TFCP2L1: variants seen among roughly 807,000 people sequenced by gnomAD.
TFCP2L1 encodes transcription factor CP2 like 1.
Under a neutral mutation model 72.2 loss-of-function variants are expected in TFCP2L1, and 12 were observed. That is an observed-to-expected ratio of 0.17 (90% confidence interval 0.11 to 0.27). The LOEUF is 0.27. Ranked by LOEUF, TFCP2L1 falls within the 10% of genes least tolerant of loss-of-function variation. TFCP2L1 has a pLI of 1.00. For synonymous variants in TFCP2L1, 260 were observed against 251.0 expected, an observed-to-expected ratio of 1.04 and a Z score of -0.34; for missense variants, 488 against 624.6, an observed-to-expected ratio of 0.78 and a Z score of 2.33.
intron 2 of TFCP2L1, among the ~76,000 whole-genome samples, chr2:121,252,167 GC>G (rs1218188361): frequency 9.9e-5 from 15 of 152,192 alleles, no homozygotes; most frequent in African/African-American, 3.6e-4. Flanking sequence ...TCCCACCTCA[GC>G]CTCCCAAGTA....
Position 121,219,357 on chromosome 2 carries a change from ACACATGTAAACACG to A in TFCP2L1, c.*4970_*4983del, listed in dbSNP as rs1685888703. On this transcript the variant is annotated 3_prime_UTR_variant, in exon 15 of 15. Coordinates refer to ENST00000263707, the MANE Select transcript of TFCP2L1 (RefSeq NM_014553.3). ...CATGGGCAAGGGAAGGAACCCAGGT[ACACATGTAAACACG>A]CACATGTGCACCAATGACACAGACT... 1 of 152,292 alleles carries A rather than the reference ACACATGTAAACACG, an allele frequency of 6.6e-6. No individual in the cohort carries two copies. Among genetic ancestry groups the A allele is most frequent in the Non-Finnish European group, 1.5e-5 (1 of 68,062 alleles). 9.4% of individuals were successfully genotyped at this position (152,292 alleles called of 1,614,324 possible). A position where few individuals can be genotyped will look rare whatever the true frequency, so the allele number is the denominator to read the frequency against.
intron 2 of TFCP2L1, 110 bp downstream of exon 2, chr2:121,281,010 C>A: frequency 3.5e-6 from 5 of 1,446,260 alleles, no homozygotes; most frequent in Non-Finnish European, 4.7e-6. Context: ...CGAGCCCGAC[C>A]TCGCCCGACC....
At chr2:121,267,252 A>G (rs1055613617) in intron 2 of TFCP2L1, among the ~76,000 whole-genome samples, 24 of 152,080 alleles carry the variant, frequency 1.6e-4, no homozygotes, top group Non-Finnish European at 2.2e-4. Flanking sequence ...GGGTCTTGCA[A>G]TGTTGCCCAG....
At chr2:121,252,696 T>TC (rs1686635428) in intron 2 of TFCP2L1, among the ~76,000 whole-genome samples, 1 of 151,882 alleles carries the variant, frequency 6.6e-6, no homozygotes, top group African/African-American at 2.4e-5. Context: ...CTCCCCAAGA[T>TC]CCCCCAGGAG....
At position 121,249,566 on chromosome 2, in the gene TFCP2L1, C is replaced by T. The variant is rs1194252409; in HGVS notation, c.291+5G>A. ...GAGGCAATGAGAACAGCCTGTGAGG[C>T]TTACCTTGACATATTTTGTGTTCAG... On this transcript the variant is annotated splice_donor_5th_base_variant and intron_variant, in intron 3 of 14. Coordinates refer to ENST00000263707, the MANE Select transcript of TFCP2L1 (RefSeq NM_014553.3). The T allele has an allele frequency of 6.2e-7, 1 of 1,613,936 alleles. No homozygotes were observed. Among genetic ancestry groups the T allele is most frequent in the Non-Finnish European group, 8.5e-7 (1 of 1,180,006 alleles).
At chr2:121,228,772 CAA>C (rs59300568) in intron 13 of TFCP2L1, among the ~76,000 whole-genome samples, 317 of 58,122 alleles carry the variant, frequency 5.5e-3, no homozygotes, top group African/African-American at 0.021. Context: ...CCGTGACTCA[CAA>C]AAAAAAAAAA....
chr2:121,268,590 T>C (rs1686981008), intron 2 of TFCP2L1, among the ~76,000 whole-genome samples: 1 of 152,028 alleles, frequency 6.6e-6, no homozygotes, highest in African/African-American at 2.4e-5. Context: ...AAAAATATTA[T>C]ATCATTCTCC....
At chr2:121,266,179 G>A (rs1287891563) in intron 2 of TFCP2L1, among the ~76,000 whole-genome samples, 1 of 149,428 alleles carries the variant, frequency 6.7e-6, no homozygotes, top group Non-Finnish European at 1.5e-5. Context: ...TTTCCCCCAA[G>A]TAGTAATTCT....
At chr2:121,280,573 C>T (rs1197290914) in intron 2 of TFCP2L1, among the ~76,000 whole-genome samples, 4 of 152,024 alleles carry the variant, frequency 2.6e-5, no homozygotes, top group Admixed American at 2.6e-4. Context: ...GCCTGGGCAA[C>T]ATAGTGAGAC....
chr2:121,258,891 C>T (rs189502780), intron 2 of TFCP2L1, among the ~76,000 whole-genome samples: 2 of 152,192 alleles, frequency 1.3e-5, no homozygotes, highest in Admixed American at 1.3e-4. Flanking sequence ...TGATAATGTA[C>T]TTGTGGTTAT....
intron 2 of TFCP2L1, among the ~76,000 whole-genome samples, chr2:121,265,165 T>C (rs771339798): frequency 1.3e-5 from 2 of 152,226 alleles, no homozygotes; most frequent in African/African-American, 2.4e-5. Context: ...AATACTGATA[T>C]ATGCTCAACA....
At chr2:121,283,022 C>T (rs1173086632) in intron 1 of TFCP2L1, among the ~76,000 whole-genome samples, 2 of 152,130 alleles carry the variant, frequency 1.3e-5, no homozygotes, top group Non-Finnish European at 2.9e-5. Flanking sequence ...ACTCCCAGCC[C>T]GGGTGGTTCT....
intron 10 of TFCP2L1, among the ~76,000 whole-genome samples, chr2:121,235,924 A>G (rs531829318): frequency 6.6e-6 from 1 of 150,420 alleles, no homozygotes; most frequent in African/African-American, 2.4e-5. Context: ...CACCACCCCT[A>G]CTCCCACCCA....
At chr2:121,238,203 C>T (rs186495262) in intron 8 of TFCP2L1, among the ~76,000 whole-genome samples, 97 of 152,262 alleles carry the variant, frequency 6.4e-4, no homozygotes, top group Non-Finnish European at 1.1e-3. Flanking sequence ...GGGAAAGGCA[C>T]GCTGACCAAG....
intron 2 of TFCP2L1, among the ~76,000 whole-genome samples, chr2:121,250,827 A>T (rs544673088): frequency 3.3e-5 from 5 of 151,686 alleles, no homozygotes; most frequent in Admixed American, 1.3e-4. Flanking sequence ...GGCTGGTCTC[A>T]AACTCCTGAC....
rs567856977 is a variant in TFCP2L1, at chr2:121,231,849, T to C, written c.1318A>G (p.Ile440Val). 4 of 1,613,104 alleles carry C rather than the reference T, an allele frequency of 2.5e-6. No homozygotes were observed. In the South Asian group the frequency reaches 4.4e-5, roughly 18 times the overall value. Residue 440 changes from isoleucine to valine, a missense_variant, in exon 13 of 15, where the codon ATC (isoleucine) becomes GTC (valine). Physicochemically the swap from Ile to Val is conservative, Grantham distance 29 (BLOSUM62 3). Coordinates refer to ENST00000263707, the MANE Select transcript of TFCP2L1 (RefSeq NM_014553.3). ...HRVYRQGPTG[I>V]HVVVSNEMVQ... Reference sequence around the variant, plus strand: ...ACCTCGTTGCTCACCACCACATGGATGCCCGTGGGGCCCTGCCGGTAGACT... The same window carrying C: ...ACCTCGTTGCTCACCACCACATGGACGCCCGTGGGGCCCTGCCGGTAGACT...
chr2:121,254,768 G>A (rs1407262503), intron 2 of TFCP2L1, among the ~76,000 whole-genome samples: 1 of 151,274 alleles, frequency 6.6e-6, no homozygotes, highest in Non-Finnish European at 1.5e-5. Flanking sequence ...ATGCCACTGC[G>A]CTCCAGCCTG....
intron 2 of TFCP2L1, among the ~76,000 whole-genome samples, chr2:121,258,282 G>A (rs537987283): frequency 6.6e-6 from 1 of 152,266 alleles, no homozygotes; most frequent in Admixed American, 6.5e-5. Context: ...AGCCTATGGG[G>A]CACTTTGGTA....
intron 2 of TFCP2L1, among the ~76,000 whole-genome samples, chr2:121,266,815 T>C (rs183937754): frequency 1.6e-4 from 24 of 152,350 alleles, no homozygotes; most frequent in Non-Finnish European, 7.3e-5. Flanking sequence ...AGAAAATCTT[T>C]TGGCTGGCTC....
Sources: allele counts gnomAD v4.1 joint callset (sites outside exome capture counted in the v4.1 genomes callset), GRCh38; gene constraint gnomAD v4.1.1; transcripts MANE v1.5; gene names NCBI Gene and HGNC (gene_info 2026-07-23, HGNC 2026-07-21).